The following GAS7 variants were observed in gnomAD, a reference collection of about 807,000 sequenced individuals.
GAS7 encodes the protein growth arrest-specific protein 7.
In GAS7, 28 loss-of-function variants were observed where a neutral mutation model predicts 71.1. That is an observed-to-expected ratio of 0.39 (90% CI 0.29 to 0.54). The LOEUF is 0.54. Ranked by LOEUF, GAS7 falls within the 20% of genes least tolerant of loss-of-function variation. GAS7 has a pLI of 0.62. For missense variants in GAS7, 436 were observed against 627.8 expected (o/e 0.69, Z 3.27); for synonymous variants, 258 against 245.8 (o/e 1.05, Z -0.46).
At chr17:10,007,885 T>G (rs962787730) in intron 2 of GAS7, among the ~76,000 whole-genome samples, 1 of 147,480 alleles carries the variant, frequency 6.8e-6, no homozygotes, top group Non-Finnish European at 1.5e-5. Flanking sequence ...CAGCAGTCAC[T>G]CGCCATTAAT....
At chr17:10,109,671 C>T (rs1206225430) in intron 1 of GAS7, among the ~76,000 whole-genome samples, 1 of 152,246 alleles carries the variant, frequency 6.6e-6, no homozygotes, top group East Asian at 1.9e-4. Context: ...GTAATTCCAA[C>T]ACTTTGGGAG....
chr17:10,158,326 CT>C (rs1200612373), intron 1 of GAS7, among the ~76,000 whole-genome samples: 3 of 63,502 alleles, frequency 4.7e-5, no homozygotes, highest in Admixed American at 1.8e-4. Flanking sequence ...CCTGTTTTTT[CT>C]TTTTTTGGTA....
chr17:9,960,826 A>C (rs2069460500), intron 4 of GAS7, among the ~76,000 whole-genome samples: 9 of 152,240 alleles, frequency 5.9e-5, no homozygotes. Flanking sequence ...TGTCTAGCAA[A>C]AATGAACCTT....
chr17:10,048,172 C>T (rs111377138), intron 1 of GAS7, among the ~76,000 whole-genome samples: 17,229 of 152,014 alleles, frequency 0.11, 1,152 homozygotes, highest in Middle Eastern at 0.16. Flanking sequence ...CATGGTGGTG[C>T]GCACCTGTAA....
intron 1 of GAS7, among the ~76,000 whole-genome samples, chr17:10,110,138 G>T (rs1025233208): frequency 2.0e-5 from 3 of 151,792 alleles, no homozygotes; most frequent in Admixed American, 1.3e-4. Flanking sequence ...CAAAATTATG[G>T]AATCAACCTA....
intron 5 of GAS7, among the ~76,000 whole-genome samples, chr17:9,947,914 C>G (rs1217445961): frequency 6.6e-6 from 1 of 151,704 alleles, no homozygotes; most frequent in Non-Finnish European, 1.5e-5. Context: ...CTTCCTCCTC[C>G]TGCTTCGCCC....
chr17:10,096,800 T>A (rs1341053186), intron 1 of GAS7, among the ~76,000 whole-genome samples: 2 of 152,242 alleles, frequency 1.3e-5, no homozygotes, highest in South Asian at 2.1e-4. Flanking sequence ...CATCCTGACA[T>A]CTTTGGATCC....
chr17:9,958,577 TCCAGCC>T (rs1162812781), intron 5 of GAS7, among the ~76,000 whole-genome samples: 1 of 128,830 alleles, frequency 7.8e-6, no homozygotes, highest in Non-Finnish European at 1.6e-5. Context: ...GGCAATGATG[TCCAGCC>T]CCAGCTGCCC....
chr17:10,194,985 G>C (rs141533239), intron 1 of GAS7, among the ~76,000 whole-genome samples: 3 of 152,202 alleles, frequency 2.0e-5, no homozygotes, highest in Non-Finnish European at 4.4e-5. Flanking sequence ...TGGCTGTAAG[G>C]CCTATTCCTT....
At chr17:10,120,825 G>T (rs1421279642) in intron 1 of GAS7, among the ~76,000 whole-genome samples, 1 of 152,242 alleles carries the variant, frequency 6.6e-6, no homozygotes, top group East Asian at 1.9e-4. Context: ...GGAGAGGAAA[G>T]GGCAGGCTGC....
chr17:10,048,649 C>T (rs2073016440), intron 1 of GAS7, among the ~76,000 whole-genome samples: 2 of 152,118 alleles, frequency 1.3e-5, no homozygotes, highest in Non-Finnish European at 2.9e-5. Flanking sequence ...TGAATTTTTA[C>T]CCAAAACTTT....
At chr17:10,159,557 C>T (rs2074235276) in intron 1 of GAS7, among the ~76,000 whole-genome samples, 1 of 152,106 alleles carries the variant, frequency 6.6e-6, no homozygotes, top group Admixed American at 6.6e-5. Flanking sequence ...CCCCAACCTC[C>T]ATCACCAAAA....
At chr17:10,157,958 T>C (rs771374366) in intron 1 of GAS7, among the ~76,000 whole-genome samples, 14 of 152,194 alleles carry the variant, frequency 9.2e-5, no homozygotes, top group Non-Finnish European at 7.4e-5. Context: ...CAGTGAGCTA[T>C]GATCGTACCA....
In GAS7 at chr17:10,143,161, G is replaced by A. The variant is rs1211305937; in HGVS notation, c.183+55047C>T. On this transcript the variant is annotated intron_variant, in intron 1 of 13. Transcript: ENST00000432992. ...TGTGCCGCTACATTCCAGCCTGGGCGACAGAGACAGACTCCGTCTCAGAAA... is the reference window on the plus strand; with the variant it reads ...TGTGCCGCTACATTCCAGCCTGGGCAACAGAGACAGACTCCGTCTCAGAAA... Among the ~76,000 whole-genome samples the A allele has an allele frequency of 6.6e-5, 10 of 152,006 alleles. No individual in the cohort carries two copies. In the East Asian group the frequency reaches 7.7e-4, roughly 12 times the overall value.
rs142502537 is a variant in GAS7, at chr17:9,925,596, G to A, written c.1018C>T (p.Arg340Trp). ...CTCTGCCGCTCTGTGAGGGCTTTCC[G>A]GGCCTGGGGTCCAAGGACACGGAGA... ...ASRYASVEKA[R>W]KALTERQRDL... The change falls in exon 11 of 14, where the codon CGG becomes TGG. Residue 340 changes from arginine (R) to tryptophan (W), a missense_variant. Physicochemically the swap from Arg to Trp is moderately radical, Grantham distance 101. Transcript: ENST00000432992. The A allele has an allele frequency of 9.9e-6, 16 of 1,613,986 alleles. No individual in the cohort carries two copies. The highest frequency in any genetic ancestry group is 4.5e-5 in the East Asian group (2 of 44,884).
intron 6 of GAS7, among the ~76,000 whole-genome samples, chr17:9,946,274 A>G (rs2068782997): frequency 6.6e-6 from 1 of 152,200 alleles, no homozygotes; most frequent in Admixed American, 6.5e-5. Flanking sequence ...AAATACATCT[A>G]GCACACAACG....
rs2072693329 is a variant in GAS7 at position 10,034,294 on chromosome 17, A to G, written c.184-14397T>C. The G allele has an allele frequency of 2.7e-6, 2 of 751,528 alleles. No individual in the cohort carries two copies. The highest frequency in any genetic ancestry group is 3.2e-6 in the Non-Finnish European group (2 of 617,262). The allele number at this position is 751,528 out of a possible 1,614,324, so 46.6% of individuals were successfully genotyped here. A position where few individuals can be genotyped will look rare whatever the true frequency, so the allele number is the denominator to read the frequency against. Reference sequence around the variant, plus strand: ...CAAGGGCTTTCATATATACATATATATAGCCTAATACTTAATAATTCTTTT... The same window carrying G: ...CAAGGGCTTTCATATATACATATATGTAGCCTAATACTTAATAATTCTTTT... On this transcript the variant is annotated intron_variant, in intron 1 of 13. Coordinates refer to ENST00000432992, the MANE Select transcript of GAS7 (RefSeq NM_201433.2). This position sits in a 1 kb window ranked among gnomAD's most constrained non-coding sequence, Gnocchi z 4.4.
intron 1 of GAS7, among the ~76,000 whole-genome samples, chr17:10,091,474 G>A (rs1006806571): frequency 1.3e-4 from 19 of 151,976 alleles, no homozygotes; most frequent in African/African-American, 2.4e-4. Flanking sequence ...TGCAACCTCC[G>A]CCTCCCAGGT....
intron 1 of GAS7, among the ~76,000 whole-genome samples, chr17:10,091,394 T>C (rs1440153057): frequency 1.3e-5 from 2 of 152,038 alleles, no homozygotes. Context: ...TTTTGGGTTT[T>C]GTTTGTTTGT....
Sources: allele counts gnomAD v4.1 joint callset (sites outside exome capture counted in the v4.1 genomes callset), GRCh38; gene constraint gnomAD v4.1.1; non-coding constraint Gnocchi (gnomAD v3.1); transcripts MANE v1.5; gene names NCBI Gene and HGNC (gene_info 2026-07-23, HGNC 2026-07-21).